The following GNG2 variants were observed in gnomAD, a reference collection of about 807,000 sequenced individuals.
GNG2 encodes the protein G protein subunit gamma 2.
A neutral mutation model predicts 5.5 loss-of-function variants in GNG2; 5 were observed. That is an observed-to-expected ratio of 0.91 (90% CI 0.48 to 1.92). The LOEUF (loss-of-function observed/expected upper bound fraction) is 1.92, where lower values mean the gene tolerates loss of function less well. Ranked by LOEUF, GNG2 falls within the 30% of genes most tolerant of loss-of-function variation. The probability of loss-of-function intolerance (pLI) is 0.01; values close to 1 mark genes in which losing one functional copy is unlikely to be tolerated. For missense variants in GNG2, 55 were observed against 88.4 expected (o/e 0.62, Z 1.52); for synonymous variants, 28 against 32.0 (o/e 0.88, Z 0.42).
intron 2 of GNG2, among the ~76,000 whole-genome samples, chr14:51,835,235 C>T (rs10220428): frequency 0.5 from 75,784 of 152,050 alleles, 19,496 homozygotes; most frequent in Middle Eastern, 0.57. Flanking sequence ...CTAATTGAAT[C>T]ACAGAAGAGG....
chr14:51,880,967 G>GAAAAAAAAAAAAAAAAAAAAA (rs11463019), intron 2 of GNG2, among the ~76,000 whole-genome samples: 3 of 101,974 alleles, frequency 2.9e-5, no homozygotes, highest in Admixed American at 1.1e-4. Flanking sequence ...CAAAAAAAAA[G>GAAAAAAAAAAAAAAAAAAAAA]AAAAAAAAAA....
At chr14:51,910,640 G>A (rs145808564) in intron 2 of GNG2, among the ~76,000 whole-genome samples, 1 of 152,102 alleles carries the variant, frequency 6.6e-6, no homozygotes, top group African/African-American at 2.4e-5. Flanking sequence ...CTTTGCACAT[G>A]GCACACACTC....
upstream of GNG2, among the ~76,000 whole-genome samples, chr14:51,858,260 G>T (rs1427603554): frequency 6.6e-6 from 1 of 152,194 alleles, no homozygotes; most frequent in African/African-American, 2.4e-5. Context: ...TCCTGAAAAA[G>T]AGGCTATTAG....
At chr14:51,937,897 G>A (rs1278110835) in intron 2 of GNG2, among the ~76,000 whole-genome samples, 2 of 152,142 alleles carry the variant, frequency 1.3e-5, no homozygotes, top group Non-Finnish European at 2.9e-5. Flanking sequence ...GGGGAGAAGG[G>A]AGCAGCCAAT....
rs1278639713 is a variant in GNG2, at chr14:51,966,567, G to A, written c.96G>A (p.Lys32=). Residue 32 remains lysine, a synonymous_variant, in exon 4 of 4, where the codon AAG becomes AAA. Transcript: ENST00000556766. ...TTTGTCTCCCTTTCCAGGTGTCCAA[G>A]GCAGCTGCAGATTTGATGGCCTACT... ...EANIDRIKVS[K]AAADLMAYCE... 7 of 1,613,736 alleles carry A rather than the reference G, an allele frequency of 4.3e-6. No homozygotes were observed. The highest frequency in any genetic ancestry group is 1.6e-4 in the Middle Eastern group (1 of 6,082).
chr14:51,909,046 T>A (rs1566679851), intron 2 of GNG2, among the ~76,000 whole-genome samples: 1 of 152,154 alleles, frequency 6.6e-6, no homozygotes, highest in Non-Finnish European at 1.5e-5. Flanking sequence ...CCTATCATTA[T>A]AAAATAAAGA....
At chr14:51,846,811 C>T (rs1354813386) in intron 2 of GNG2, among the ~76,000 whole-genome samples, 1 of 152,230 alleles carries the variant, frequency 6.6e-6, no homozygotes, top group Non-Finnish European at 1.5e-5. Context: ...GGGCACCATT[C>T]CTAATTACAA....
intron 2 of GNG2, among the ~76,000 whole-genome samples, chr14:51,837,781 A>AGAATGTTTGAATGTTT (rs1368363802): frequency 6.6e-6 from 1 of 152,218 alleles, no homozygotes; most frequent in Admixed American, 6.5e-5. Context: ...CTGAAAAAGA[A>AGAATGTTTGAATGTTT]GAATGTTTGA....
intron 1 of GNG2, among the ~76,000 whole-genome samples, chr14:51,870,036 T>TA (rs1883194609): frequency 6.6e-6 from 1 of 152,158 alleles, no homozygotes; most frequent in South Asian, 2.1e-4. Context: ...GGTTAGTGGG[T>TA]AGGCAGTCAA....
At chr14:51,881,637 G>A (rs1487391269) in intron 2 of GNG2, among the ~76,000 whole-genome samples, 2 of 146,152 alleles carry the variant, frequency 1.4e-5, no homozygotes, top group Non-Finnish European at 3.0e-5. Context: ...AGCTGTAATT[G>A]TACTTGAAAG....
chr14:51,877,592 G>A (rs892794275), intron 1 of GNG2, 25 bp from the exon 2 acceptor site: 23 of 455,078 alleles, frequency 5.1e-5, no homozygotes, highest in Admixed American at 1.7e-4. Context: ...TAAAAAATTC[G>A]TTTTTCTCTC....
intron 2 of GNG2, among the ~76,000 whole-genome samples, chr14:51,846,693 C>A (rs542338144): frequency 3.3e-5 from 5 of 152,166 alleles, no homozygotes; most frequent in Non-Finnish European, 7.4e-5. Flanking sequence ...AGAATGGCAT[C>A]TGCCTGCCCG....
intron 1 of GNG2, among the ~76,000 whole-genome samples, chr14:51,873,540 T>C (rs534913666): frequency 1.3e-5 from 2 of 152,360 alleles, no homozygotes; most frequent in African/African-American, 2.4e-5. Flanking sequence ...GCCTTTGTTA[T>C]TGAATATAGG....
chr14:51,857,485 T>C (rs891367143), upstream of GNG2, among the ~76,000 whole-genome samples: 36 of 152,116 alleles, frequency 2.4e-4, no homozygotes, highest in African/African-American at 8.7e-4. Context: ...GTAAGCAACC[T>C]GGAGGGGAAG....
chr14:51,916,227 A>G, intron 2 of GNG2: 1 of 274,944 alleles, frequency 3.6e-6, no homozygotes, highest in South Asian at 3.2e-5. Flanking sequence ...GTGTCTAACC[A>G]GAGGCTAATT....
chr14:51,932,172 G>A (rs1887694905), intron 2 of GNG2, among the ~76,000 whole-genome samples: 1 of 149,450 alleles, frequency 6.7e-6, no homozygotes, highest in African/African-American at 2.5e-5. Context: ...GCATGAACCG[G>A]GGAGGTGGAG....
chr14:51,928,983 A>G (rs1298502090), intron 2 of GNG2, among the ~76,000 whole-genome samples: 1 of 152,234 alleles, frequency 6.6e-6, no homozygotes, highest in Non-Finnish European at 1.5e-5. Flanking sequence ...TATAACTTTA[A>G]GCATTTTTAA....
At chr14:51,830,058 G>T (rs1278067870) in intron 2 of GNG2, among the ~76,000 whole-genome samples, 2 of 152,062 alleles carry the variant, frequency 1.3e-5, no homozygotes, top group Admixed American at 6.6e-5. Flanking sequence ...GGCCAGGCTG[G>T]TCTTGAATTC....
chr14:51,917,768 C>T (rs192692653), intron 2 of GNG2, among the ~76,000 whole-genome samples: 210 of 152,140 alleles, frequency 1.4e-3, no homozygotes, highest in Non-Finnish European at 2.2e-3. Flanking sequence ...TGGTGGCTCA[C>T]GCCTGTAATC....
Sources: allele counts gnomAD v4.1 joint callset (sites outside exome capture counted in the v4.1 genomes callset), GRCh38; gene constraint gnomAD v4.1.1; transcripts MANE v1.5; gene names NCBI Gene and HGNC (gene_info 2026-07-23, HGNC 2026-07-21).